EPS15: variants seen among roughly 807,000 people sequenced by gnomAD.
EPS15 encodes epidermal growth factor receptor pathway substrate 15, also known as epidermal growth factor receptor substrate 15.
Under a neutral mutation model 113.8 loss-of-function variants are expected in EPS15, and 72 were observed. The observed-to-expected ratio is 0.63, with a 90% CI of 0.52 to 0.77. EPS15 has a LOEUF of 0.77. EPS15 is among the 30% of genes least tolerant of loss of function. The pLI, the probability that EPS15 is intolerant of heterozygous loss-of-function variation, is 0.00. For synonymous variants in EPS15, 344 were observed against 363.4 expected (o/e 0.95, Z 0.61); for missense variants, 1,048 against 1,045.8 (o/e 1.00, Z -0.03).
intron 12 of EPS15, among the ~76,000 whole-genome samples, chr1:51,437,775 G>A (rs1232794014): frequency 6.6e-6 from 1 of 152,018 alleles, no homozygotes; most frequent in Non-Finnish European, 1.5e-5. Flanking sequence ...CAGCTATCGC[G>A]CCCAGCCCCT....
At chr1:51,451,943 G>A (rs1450475416) in intron 8 of EPS15, among the ~76,000 whole-genome samples, 2 of 151,474 alleles carry the variant, frequency 1.3e-5, no homozygotes, top group South Asian at 2.1e-4. Flanking sequence ...GCACAGTGAC[G>A]CAATCTTGGC....
In EPS15 at chr1:51,409,521, C is replaced by T; in HGVS notation, c.1275+14G>A. The T allele has an allele frequency of 1.9e-6, 3 of 1,600,768 alleles. No individual in the cohort carries two copies. The highest frequency in any genetic ancestry group is 2.6e-6 in the Non-Finnish European group (3 of 1,176,306). On this transcript the variant is annotated intron_variant, in intron 14 of 24. Transcript: ENST00000371733. ...ATGTATAGGTGCAGGCAGCAGGAAA[C>T]AGCCAGACATTACCAGTTGGGCCTC...
intron 13 of EPS15, among the ~76,000 whole-genome samples, chr1:51,411,379 A>C (rs1422988227): frequency 6.6e-6 from 1 of 152,198 alleles, no homozygotes; most frequent in Non-Finnish European, 1.5e-5. Flanking sequence ...AAAGAAAGGC[A>C]AAAAGTGACC....
intron 19 of EPS15, among the ~76,000 whole-genome samples, chr1:51,399,880 A>C (rs1648352766): frequency 6.6e-6 from 1 of 152,036 alleles, no homozygotes; most frequent in Non-Finnish European, 1.5e-5. Flanking sequence ...ATCCAAAAAG[A>C]CAGTTTGAAA....
intron 1 of EPS15, among the ~76,000 whole-genome samples, chr1:51,501,858 T>C (rs1022910740): frequency 2.6e-5 from 4 of 152,034 alleles, no homozygotes; most frequent in African/African-American, 9.7e-5. Context: ...CTTTTCAGAG[T>C]TGCAGGGGAG....
intron 21 of EPS15, among the ~76,000 whole-genome samples, chr1:51,368,598 CTT>C (rs1228266658): frequency 0.031 from 4,344 of 139,550 alleles, 67 homozygotes; most frequent in African/African-American, 0.051. Context: ...TTTTTTGTTT[CTT>C]TTTTTTTTTT....
chr1:51,473,063 G>C, intron 2 of EPS15, 115 bp from the exon 3 acceptor site: 1 of 760,000 alleles, frequency 1.3e-6, no homozygotes, highest in Non-Finnish European at 2.3e-6. Flanking sequence ...AAAGGAATGA[G>C]AATCCTTTGA....
At chr1:51,427,115 G>C (rs1651290021) in intron 12 of EPS15, among the ~76,000 whole-genome samples, 1 of 151,968 alleles carries the variant, frequency 6.6e-6, no homozygotes, top group Admixed American at 6.6e-5. Context: ...ACTGCATACA[G>C]GATTACATAA....
chr1:51,434,259 C>T (rs140827625), intron 12 of EPS15, among the ~76,000 whole-genome samples: 1 of 152,206 alleles, frequency 6.6e-6, no homozygotes, highest in African/African-American at 2.4e-5. Context: ...TTCATAGCAG[C>T]GTTATTCATA....
At chr1:51,454,112 A>T (rs1385342444) in intron 8 of EPS15, among the ~76,000 whole-genome samples, 3 of 150,588 alleles carry the variant, frequency 2.0e-5, no homozygotes, top group African/African-American at 7.3e-5. Flanking sequence ...CAATAGGAGG[A>T]GGAAATATGT....
At chr1:51,481,443 G>A in intron 1 of EPS15, 129 bp from the exon 2 acceptor site, 1 of 610,268 alleles carries the variant, frequency 1.6e-6, no homozygotes, top group Non-Finnish European at 2.9e-6. Flanking sequence ...TCAGGGGTTA[G>A]ATTTTGTTTC....
chr1:51,383,286 G>A (rs1646982972), intron 21 of EPS15, among the ~76,000 whole-genome samples: 1 of 152,244 alleles, frequency 6.6e-6, no homozygotes, highest in Non-Finnish European at 1.5e-5. Flanking sequence ...ATTCAATCTT[G>A]AGAGGCTGAA....
intron 21 of EPS15, among the ~76,000 whole-genome samples, chr1:51,379,991 G>C (rs1371598694): frequency 6.6e-6 from 1 of 151,894 alleles, no homozygotes; most frequent in African/African-American, 2.4e-5. Context: ...GAAGCGACAG[G>C]GGGAGGATGC....
At chr1:51,513,498 G>T (rs894076954) in intron 1 of EPS15, among the ~76,000 whole-genome samples, 4 of 152,160 alleles carry the variant, frequency 2.6e-5, no homozygotes, top group East Asian at 1.9e-4. Flanking sequence ...ATATTTATTC[G>T]CATATACACA....
intron 21 of EPS15, among the ~76,000 whole-genome samples, chr1:51,393,246 T>C (rs567097057): frequency 1.3e-5 from 2 of 152,346 alleles, no homozygotes; most frequent in South Asian, 2.1e-4. Context: ...AGACAGAGTC[T>C]CACTCTGTTG....
chr1:51,467,386 T>C (rs1175294923), intron 5 of EPS15, among the ~76,000 whole-genome samples: 2 of 152,234 alleles, frequency 1.3e-5, no homozygotes, highest in African/African-American at 4.8e-5. Context: ...TTATTATTCA[T>C]TGCAGCATTT....
chr1:51,405,318 A>C lies in EPS15; in HGVS notation c.1677+587T>G, dbSNP rs369915681. ...TGAATGTCCTTAACACTACGTAATA[A>C]AAATAATTTTAGCTTTTGGTGAGGG... is the stretch of plus-strand genomic sequence containing the variant. On this transcript the variant is annotated intron_variant, in intron 16 of 24. Coordinates refer to ENST00000371733, the MANE Select transcript of EPS15 (RefSeq NM_001981.3). 1.8e-4 allele frequency among the ~76,000 whole-genome samples: 28 copies of C among 152,302 alleles called. No individual in the cohort carries two copies. In the South Asian group the frequency reaches 5.6e-3, roughly 30 times the overall value.
intron 1 of EPS15, chr1:51,518,281 A>T (rs537019397): frequency 6.6e-6 from 1 of 152,454 alleles, no homozygotes; most frequent in African/African-American, 2.4e-5. Context: ...TGAGAAGCAC[A>T]AGGACTGGAC....
intron 21 of EPS15, among the ~76,000 whole-genome samples, chr1:51,393,115 C>A (rs1159133430): frequency 1.3e-5 from 2 of 152,220 alleles, no homozygotes; most frequent in African/African-American, 4.8e-5. Context: ...CTCACTCTTG[C>A]TACTCATGTT....
Sources: gnomAD v4.1 joint callset for allele counts (sites outside exome capture counted in the v4.1 genomes callset) on GRCh38, gnomAD v4.1.1 for gene constraint, MANE v1.5 for transcripts, NCBI Gene and HGNC (gene_info 2026-07-23, HGNC 2026-07-21) for gene names.